LDB2: variants seen among roughly 807,000 people sequenced by gnomAD.
LDB2 encodes LIM domain binding 2, also known as LIM domain-binding protein 2.
Under a neutral mutation model 44.3 loss-of-function variants are expected in LDB2, and 12 were observed. The ratio of observed to expected loss-of-function variants is 0.27; its 90% confidence interval spans 0.17 to 0.44. The LOEUF (loss-of-function observed/expected upper bound fraction) is 0.44. LDB2 is among the 20% of genes least tolerant of loss of function. The pLI is 1.00. For missense variants in LDB2, 344 were observed against 473.5 expected, an observed-to-expected ratio of 0.73 and a Z score of 2.54; for synonymous variants, 164 against 174.8, an observed-to-expected ratio of 0.94 and a Z score of 0.49.
intron 2 of LDB2, among the ~76,000 whole-genome samples, chr4:16,649,807 A>G (rs946667808): frequency 6.6e-6 from 1 of 152,196 alleles, no homozygotes; most frequent in Non-Finnish European, 1.5e-5. Flanking sequence ...AACACTGAAA[A>G]CTAAACTGAT....
At chr4:16,584,294 A>C (rs4072813) in intron 5 of LDB2, among the ~76,000 whole-genome samples, 16,615 of 152,250 alleles carry the variant, frequency 0.11, 998 homozygotes, top group African/African-American at 0.14. Context: ...ATGAAGGCTT[A>C]CTGATAGATG....
chr4:16,648,402 G>T (rs374848028), intron 2 of LDB2, among the ~76,000 whole-genome samples: 10 of 152,196 alleles, frequency 6.6e-5, no homozygotes, highest in Non-Finnish European at 1.0e-4. Flanking sequence ...ATAGTCTAAG[G>T]TGTGTGCCCT....
intron 1 of LDB2, among the ~76,000 whole-genome samples, chr4:16,809,600 G>A (rs1779411227): frequency 6.6e-6 from 1 of 152,146 alleles, no homozygotes; most frequent in Non-Finnish European, 1.5e-5. Context: ...GATTCTTTGA[G>A]CAAAGGACTT....
intron 3 of LDB2, among the ~76,000 whole-genome samples, chr4:16,594,691 T>C (rs1480146796): frequency 2.0e-5 from 3 of 152,194 alleles, no homozygotes; most frequent in Non-Finnish European, 1.5e-5. Flanking sequence ...GCAGCAAAAT[T>C]GCATAAGTAA....
At chr4:16,681,802 A>G (rs1311340707) in intron 2 of LDB2, among the ~76,000 whole-genome samples, 1 of 151,458 alleles carries the variant, frequency 6.6e-6, no homozygotes, top group Admixed American at 6.6e-5. Context: ...GGATCTTCTG[A>G]CCTCGTGATC....
At chr4:16,615,856 G>T (rs1578224017) in intron 2 of LDB2, among the ~76,000 whole-genome samples, 1 of 152,170 alleles carries the variant, frequency 6.6e-6, no homozygotes, top group Admixed American at 6.5e-5. Context: ...TCAAGAGTGG[G>T]GACCTGGAGC....
chr4:16,681,488 A>G (rs947539236), intron 2 of LDB2, among the ~76,000 whole-genome samples: 4 of 152,316 alleles, frequency 2.6e-5, no homozygotes, highest in South Asian at 4.1e-4. Context: ...CTTCTGACCT[A>G]CAAAACTGAA....
At chr4:16,848,365 T>C (rs539760851) in intron 1 of LDB2, among the ~76,000 whole-genome samples, 1 of 152,354 alleles carries the variant, frequency 6.6e-6, no homozygotes, top group East Asian at 1.9e-4. Flanking sequence ...TTTGAAATTT[T>C]AATGTTTTAA....
At chr4:16,772,427 A>C (rs1404751257) in intron 1 of LDB2, among the ~76,000 whole-genome samples, 1 of 152,228 alleles carries the variant, frequency 6.6e-6, no homozygotes, top group African/African-American at 2.4e-5. Context: ...AGATAAATCT[A>C]TCAAGGAGAC....
chr4:16,601,261 C>A lies in LDB2; in HGVS notation c.236-5386G>T, dbSNP rs186762706. ...TCTAAGCTCTTGGTAAATACCCTTA[C>A]CAAACTGCAATTCTCAAGTTTATGT... On this transcript the variant is annotated intron_variant, in intron 2 of 7. Transcript: ENST00000304523. 2.4e-4 allele frequency among the ~76,000 whole-genome samples: 37 copies of A among 152,248 alleles called. No individual in the cohort carries two copies. In the East Asian group the frequency reaches 6.9e-3, roughly 29 times the overall value.
chr4:16,892,140 G>C (rs1013371352), intron 1 of LDB2, among the ~76,000 whole-genome samples: 1 of 152,144 alleles, frequency 6.6e-6, no homozygotes, highest in South Asian at 2.1e-4. Flanking sequence ...TTTCAGAAAG[G>C]TGTATATACC....
intron 2 of LDB2, among the ~76,000 whole-genome samples, chr4:16,745,856 T>A (rs915677921): frequency 6.6e-6 from 1 of 150,540 alleles, no homozygotes; most frequent in Non-Finnish European, 1.5e-5. Context: ...AATTTTTTTT[T>A]AATCCAAACA....
intron 2 of LDB2, among the ~76,000 whole-genome samples, chr4:16,642,046 A>AAT (rs1735325175): frequency 6.6e-6 from 1 of 152,218 alleles, no homozygotes; most frequent in South Asian, 2.1e-4. Flanking sequence ...ACAGAAAAAA[A>AAT]TTAAGAACTG....
In LDB2 at chr4:16,836,061, T is replaced by G. The variant is rs143948154; in HGVS notation, c.132+62293A>C. ...AACACAATAGAAATGCACAAACTGG[T>G]TGGCTTTAACACATCACTGTCTGTC... is the stretch of plus-strand genomic sequence containing the variant. On this transcript the variant is annotated intron_variant, in intron 1 of 7. Transcript: ENST00000304523. Among the ~76,000 whole-genome samples the G allele has an allele frequency of 6.0e-4, 91 of 152,334 alleles. 2 individuals carry two copies. Among genetic ancestry groups the G allele is most frequent in the Admixed American group, 3.3e-3 (51 of 15,308 alleles).
intron 2 of LDB2, among the ~76,000 whole-genome samples, chr4:16,718,353 T>C (rs1757525540): frequency 6.6e-6 from 1 of 152,124 alleles, no homozygotes; most frequent in Admixed American, 6.6e-5. Flanking sequence ...TTCAATCCAT[T>C]GAATATGTCG....
In LDB2 at chr4:16,898,580, C is replaced by A. The variant is rs745528545; in HGVS notation, c.-95G>T. 7.9e-7 allele frequency: 1 copy of A among 1,268,342 alleles called. No homozygotes were observed. Among genetic ancestry groups the A allele is most frequent in the Non-Finnish European group, 1.1e-6 (1 of 904,642 alleles). 78.6% of individuals were successfully genotyped at this position (1,268,342 alleles called of 1,614,324 possible). A position where few individuals can be genotyped will look rare whatever the true frequency, so the allele number is the denominator to read the frequency against. On this transcript the variant is annotated 5_prime_UTR_variant, in exon 1 of 8. Coordinates refer to ENST00000304523, the MANE Select transcript of LDB2 (RefSeq NM_001290.5). ...TTCTTCCCAGTACAAAGTAGACGCACGCACACACGCTCACACACACACAGA... is the reference window on the plus strand; with the variant it reads ...TTCTTCCCAGTACAAAGTAGACGCAAGCACACACGCTCACACACACACAGA...
chr4:16,547,175 C>T (rs904725884), intron 5 of LDB2, among the ~76,000 whole-genome samples: 1 of 152,120 alleles, frequency 6.6e-6, no homozygotes, highest in African/African-American at 2.4e-5. Flanking sequence ...AGAGGAGAGA[C>T]AGCCGTGTGA....
chr4:16,783,759 T>C (rs945474290), intron 1 of LDB2, among the ~76,000 whole-genome samples: 11 of 152,230 alleles, frequency 7.2e-5, no homozygotes, highest in Admixed American at 7.2e-4. Flanking sequence ...TGCCCCTTGA[T>C]TGGAATTCTA....
intron 2 of LDB2, among the ~76,000 whole-genome samples, chr4:16,652,207 A>G (rs1043668985): frequency 4.6e-5 from 7 of 152,138 alleles, no homozygotes; most frequent in African/African-American, 1.7e-4. Context: ...TTGCCCTCCC[A>G]AAGTGTTATG....
Sources: allele counts gnomAD v4.1 joint callset (sites outside exome capture counted in the v4.1 genomes callset), GRCh38; gene constraint gnomAD v4.1.1; transcripts MANE v1.5; gene names NCBI Gene and HGNC (gene_info 2026-07-23, HGNC 2026-07-21).